Variants in TMEM117 observed in about 807,000 individuals in gnomAD.
TMEM117 encodes the protein transmembrane protein 117.
A neutral mutation model predicts 52.4 loss-of-function variants in TMEM117; 27 were observed. The observed-to-expected ratio is 0.51, with a 90% CI of 0.38 to 0.71. The LOEUF (loss-of-function observed/expected upper bound fraction) is 0.71. TMEM117 is among the 30% of genes least tolerant of loss of function. TMEM117 has a pLI of 0.00. For missense variants in TMEM117, 556 were observed against 630.5 expected (o/e 0.88, Z 1.26); for synonymous variants, 215 against 206.3 (o/e 1.04, Z -0.36).
At chr12:43,906,664 A>T (rs2407786) in intron 2 of TMEM117, among the ~76,000 whole-genome samples, 1 of 149,960 alleles carries the variant, frequency 6.7e-6, no homozygotes, top group South Asian at 2.1e-4. Flanking sequence ...AAAGCAGGGC[A>T]AGCCATTGCC....
intron 3 of TMEM117, among the ~76,000 whole-genome samples, chr12:44,129,630 G>C (rs190064204): frequency 2.6e-5 from 4 of 152,210 alleles, no homozygotes; most frequent in Admixed American, 1.3e-4. Flanking sequence ...AAATTTTTAT[G>C]GGTCTTTCAA....
chr12:44,138,693 T>C (rs1459999627), intron 3 of TMEM117, among the ~76,000 whole-genome samples: 1 of 152,176 alleles, frequency 6.6e-6, no homozygotes, highest in African/African-American at 2.4e-5. Context: ...TGCAGCTTTT[T>C]TGTGACATTC....
At chr12:43,952,103 CA>C (rs1408637602) in intron 3 of TMEM117, among the ~76,000 whole-genome samples, 4 of 152,016 alleles carry the variant, frequency 2.6e-5, no homozygotes, top group Admixed American at 6.6e-5. Context: ...GCAACAACAA[CA>C]AAAAAGACCC....
intron 2 of TMEM117, among the ~76,000 whole-genome samples, chr12:43,858,665 C>T (rs1380622605): frequency 2.0e-5 from 3 of 152,104 alleles, no homozygotes; most frequent in Non-Finnish European, 2.9e-5. Context: ...CTTTGTGTGT[C>T]GTTGAGGATG....
At chr12:44,097,227 G>C (rs1947781563) in intron 3 of TMEM117, among the ~76,000 whole-genome samples, 1 of 152,146 alleles carries the variant, frequency 6.6e-6, no homozygotes, top group Non-Finnish European at 1.5e-5. Flanking sequence ...AGGTGCTGGA[G>C]AGGATGTGGA....
At chr12:43,860,266 G>A (rs1194830396) in intron 2 of TMEM117, among the ~76,000 whole-genome samples, 2 of 151,444 alleles carry the variant, frequency 1.3e-5, no homozygotes, top group Non-Finnish European at 2.9e-5. Flanking sequence ...TCATTAATTT[G>A]TCTCATTTGC....
At chr12:43,863,919 C>T (rs1008573478) in intron 2 of TMEM117, among the ~76,000 whole-genome samples, 10 of 152,176 alleles carry the variant, frequency 6.6e-5, no homozygotes, top group South Asian at 2.1e-4. Flanking sequence ...AGGTGGGAAC[C>T]GGGGCTGCGC....
rs867673166 is a variant in TMEM117 at position 44,311,847 on chromosome 12, A to G, written c.768+12108A>G. Among the ~76,000 whole-genome samples, 49 of 122,706 alleles carry G rather than the reference A, an allele frequency of 4.0e-4. 1 individual carries two copies. The highest frequency in any genetic ancestry group is 3.5e-3 in the South Asian group (15 of 4,292). The allele number at this position is 122,706 out of a possible 152,430, so 80.5% of individuals were successfully genotyped here. ...TGTATATATGTATATATGTATATAT[A>G]TGTATATATGTATATATATGTATAT... On this transcript the variant is annotated intron_variant, in intron 6 of 7. Coordinates refer to ENST00000266534, the MANE Select transcript of TMEM117 (RefSeq NM_032256.3).
chr12:44,150,468 G>A (rs1417254956), intron 4 of TMEM117, among the ~76,000 whole-genome samples: 1 of 152,216 alleles, frequency 6.6e-6, no homozygotes, highest in East Asian at 1.9e-4. Flanking sequence ...ATGGACCATC[G>A]CACAGACAAA....
At chr12:44,035,872 G>C (rs955647508) in intron 3 of TMEM117, among the ~76,000 whole-genome samples, 1 of 152,212 alleles carries the variant, frequency 6.6e-6, no homozygotes. Context: ...CACACCTGAA[G>C]AGAAAGGAAG....
intron 5 of TMEM117, among the ~76,000 whole-genome samples, chr12:44,242,390 T>C (rs1950073821): frequency 3.3e-5 from 5 of 151,972 alleles, no homozygotes; most frequent in Admixed American, 3.3e-4. Flanking sequence ...ACATGTGGTA[T>C]TGGGTTTTCT....
intron 4 of TMEM117, among the ~76,000 whole-genome samples, chr12:44,205,392 G>T (rs1322202021): frequency 6.6e-6 from 1 of 152,130 alleles, no homozygotes; most frequent in Non-Finnish European, 1.5e-5. Context: ...GTGGAACTGT[G>T]AGTCCATTAA....
intron 2 of TMEM117, among the ~76,000 whole-genome samples, chr12:43,888,673 G>A (rs1006810906): frequency 2.0e-5 from 3 of 148,552 alleles, no homozygotes; most frequent in Admixed American, 1.4e-4. Context: ...TCAGCCTCCC[G>A]AGTAGCTGGG....
At chr12:43,861,289 A>AT (rs1474322645) in intron 2 of TMEM117, among the ~76,000 whole-genome samples, 1 of 151,868 alleles carries the variant, frequency 6.6e-6, no homozygotes, top group African/African-American at 2.4e-5. Flanking sequence ...GGATGAATAG[A>AT]TTTTCTGTCC....
At chr12:44,187,380 C>T (rs1949292829) in intron 4 of TMEM117, among the ~76,000 whole-genome samples, 1 of 152,082 alleles carries the variant, frequency 6.6e-6, no homozygotes, top group African/African-American at 2.4e-5. Flanking sequence ...ATAGCTCTGA[C>T]TGTATAGTTC....
chr12:44,008,767 G>C (rs1421142958), intron 3 of TMEM117: 1 of 426,458 alleles, frequency 2.3e-6, no homozygotes, highest in Admixed American at 2.9e-5. Context: ...TAATAAGGTG[G>C]AAGTTCTGAA....
intron 6 of TMEM117, among the ~76,000 whole-genome samples, chr12:44,355,489 G>A (rs893647245): frequency 1.3e-5 from 2 of 151,916 alleles, no homozygotes; most frequent in Non-Finnish European, 2.9e-5. Context: ...TTAGAGGATG[G>A]GCCTGCCAGG....
At chr12:44,046,207 G>A (rs1946878774) in intron 3 of TMEM117, among the ~76,000 whole-genome samples, 1 of 152,140 alleles carries the variant, frequency 6.6e-6, no homozygotes, top group South Asian at 2.1e-4. Flanking sequence ...TGGGCTAGAG[G>A]TCTTAGTTCC....
At chr12:44,058,362 A>G (rs558861942) in intron 3 of TMEM117, among the ~76,000 whole-genome samples, 3 of 152,254 alleles carry the variant, frequency 2.0e-5, no homozygotes, top group Non-Finnish European at 2.9e-5. Flanking sequence ...ATAGAAAGCT[A>G]TTTCACCAGG....
Sources: allele counts gnomAD v4.1 joint callset (sites outside exome capture counted in the v4.1 genomes callset), GRCh38; gene constraint gnomAD v4.1.1; transcripts MANE v1.5; gene names NCBI Gene and HGNC (gene_info 2026-07-23, HGNC 2026-07-21).